The following KPNA4 variants were observed in gnomAD, a reference collection of about 807,000 sequenced individuals.
KPNA4 encodes the protein karyopherin subunit alpha 4.
In KPNA4, 13 loss-of-function variants were observed where a neutral mutation model predicts 71.3. The observed-to-expected ratio is 0.18, with a 90% CI of 0.12 to 0.29. KPNA4 has a LOEUF of 0.29. KPNA4 is among the 10% of genes least tolerant of loss of function. KPNA4 has a pLI of 1.00. For synonymous variants in KPNA4, 189 were observed against 195.2 expected (o/e 0.97, Z 0.26); for missense variants, 334 against 603.2 (o/e 0.55, Z 4.67).
chr3:160,535,792 A>G lies in KPNA4; in HGVS notation c.204+16T>C. ...CGTACTTTTAAGTTACCAGAATAAC[A>G]ATAACAATGACTTACCACTCTATAA... On this transcript the variant is annotated intron_variant, in intron 3 of 16. Coordinates refer to ENST00000334256, the MANE Select transcript of KPNA4 (RefSeq NM_002268.5). 1.3e-6 allele frequency: 2 copies of G among 1,558,290 alleles called. No homozygotes were observed. The highest frequency in any genetic ancestry group is 2.3e-5 in the East Asian group (1 of 43,786).
At chr3:160,547,204 T>C (rs909225259) in intron 1 of KPNA4, among the ~76,000 whole-genome samples, 5 of 152,230 alleles carry the variant, frequency 3.3e-5, no homozygotes. Context: ...TGCCTTTTTT[T>C]GAAGAAATAA....
intron 11 of KPNA4, among the ~76,000 whole-genome samples, chr3:160,520,551 A>G (rs1002814950): frequency 6.6e-6 from 1 of 151,740 alleles, no homozygotes; most frequent in African/African-American, 2.4e-5. Context: ...GTGAGCCACC[A>G]TGTCCAGCCA....
rs926929241 is a variant in KPNA4 at position 160,503,459 on chromosome 3, C to T, written c.1468-1257G>A. The stretch of plus-strand genomic sequence containing the variant: ...CTAAAATTCAAAAAAATCCAAAATC[C>T]AAAACTGTTCTGGTCCCATGCATTT... On this transcript the variant is annotated intron_variant, in intron 16 of 16. Coordinates refer to ENST00000334256, the MANE Select transcript of KPNA4 (RefSeq NM_002268.5). Among the ~76,000 whole-genome samples, 14 of 151,986 alleles carry T rather than the reference C, an allele frequency of 9.2e-5. 1 individual carries two copies. The highest frequency in any genetic ancestry group is 1.8e-4 in the Non-Finnish European group (12 of 67,986).
intron 13 of KPNA4, 134 bp from the exon 14 acceptor site, chr3:160,510,005 T>G: frequency 1.5e-6 from 1 of 649,000 alleles, no homozygotes; most frequent in Non-Finnish European, 2.7e-6. Flanking sequence ...TCATTTTTTC[T>G]TATTAAGACA....
chr3:160,528,103 AT>A (rs993352756), intron 7 of KPNA4, 64 bp from the exon 8 acceptor site: 8 of 1,286,834 alleles, frequency 6.2e-6, no homozygotes, highest in African/African-American at 4.5e-5. Context: ...ATCAATCTTT[AT>A]TTTTTTGCTG....
At chr3:160,503,637 C>A (rs1392057838) in intron 16 of KPNA4, among the ~76,000 whole-genome samples, 1 of 152,112 alleles carries the variant, frequency 6.6e-6, no homozygotes, top group African/African-American at 2.4e-5. Flanking sequence ...CTATGTATAT[C>A]ATCTGAATTA....
intron 15 of KPNA4, among the ~76,000 whole-genome samples, chr3:160,507,722 C>T (rs1369418905): frequency 6.6e-6 from 1 of 152,216 alleles, no homozygotes; most frequent in African/African-American, 2.4e-5. Context: ...CTCTCAAAAT[C>T]CAGCTCAGGT....
In KPNA4 at chr3:160,502,026, A is replaced by T; in HGVS notation, c.*78T>A. 1 of 335,630 alleles carries T rather than the reference A, an allele frequency of 3.0e-6. No individual in the cohort carries two copies. Among genetic ancestry groups the T allele is most frequent in the Non-Finnish European group, 5.3e-6 (1 of 187,908 alleles). The allele number at this position is 335,630 out of a possible 1,614,324, so 20.8% of individuals were successfully genotyped here. A position where few individuals can be genotyped will look rare whatever the true frequency, so the allele number is the denominator to read the frequency against. ...ATCAAACCTTTTTATATATATGTATATATATATATATATACACACACACAT... is the reference window on the plus strand; with the variant it reads ...ATCAAACCTTTTTATATATATGTATTTATATATATATATACACACACACAT... On this transcript the variant is annotated 3_prime_UTR_variant, in exon 17 of 17. Transcript: ENST00000334256.
At chr3:160,514,045 G>C in intron 13 of KPNA4, 32 bp downstream of exon 13, 1 of 1,294,802 alleles carries the variant, frequency 7.7e-7, no homozygotes. Flanking sequence ...CCTTACATCA[G>C]ATAAATGATA....
chr3:160,565,061 C>G (rs1223351424), intron 1 of KPNA4, among the ~76,000 whole-genome samples, 153 bp downstream of exon 1: 6 of 151,822 alleles, frequency 4.0e-5, no homozygotes, highest in Admixed American at 1.3e-4. Context: ...CTTCCCGGCG[C>G]GCTAGCAGAG....
At position 160,501,258 on chromosome 3, in the gene KPNA4, C is replaced by T. The variant is rs1388380683; in HGVS notation, c.*846G>A. 4.9e-5 allele frequency: 6 copies of T among 122,296 alleles called. No homozygotes were observed. The highest frequency in any genetic ancestry group is 1.9e-4 in the African/African-American group (6 of 31,874). 7.6% of individuals were successfully genotyped at this position (122,296 alleles called of 1,614,324 possible). A position where few individuals can be genotyped will look rare whatever the true frequency, so the allele number is the denominator to read the frequency against. On this transcript the variant is annotated 3_prime_UTR_variant, in exon 17 of 17. Transcript: ENST00000334256. ...TGAGAAGCAACTAAAAAAAGGCATA[C>T]TAGGTAAAGTAAATAAAAACTAAAA...
chr3:160,501,693 G>T lies in KPNA4; in HGVS notation c.*411C>A, dbSNP rs1310952079. The stretch of plus-strand genomic sequence containing the variant: ...GGCTCATTTTCCTTTGACTTATATG[G>T]GCAGCCTATTCTCTTTTATGCTTAC... On this transcript the variant is annotated 3_prime_UTR_variant, in exon 17 of 17. Transcript: ENST00000334256. 6.6e-6 allele frequency: 1 copy of T among 152,532 alleles called. No homozygotes were observed. The highest frequency in any genetic ancestry group is 1.5e-5 in the Non-Finnish European group (1 of 68,060). The allele number at this position is 152,532 out of a possible 1,614,324, so 9.4% of individuals were successfully genotyped here.
At chr3:160,538,285 A>G (rs1049045914) in intron 1 of KPNA4, among the ~76,000 whole-genome samples, 1 of 152,060 alleles carries the variant, frequency 6.6e-6, no homozygotes, top group Non-Finnish European at 1.5e-5. Flanking sequence ...TTATTATCAC[A>G]TTAAATGGGA....
intron 13 of KPNA4, among the ~76,000 whole-genome samples, chr3:160,510,183 T>C (rs1045040190): frequency 2.0e-5 from 3 of 152,118 alleles, no homozygotes; most frequent in Non-Finnish European, 2.9e-5. Flanking sequence ...ATCTACAATT[T>C]CACTACAAAG....
chr3:160,513,249 GTTTTTTTTTTT>G (rs946090860), intron 13 of KPNA4, among the ~76,000 whole-genome samples: 36 of 80,628 alleles, frequency 4.5e-4, no homozygotes, highest in Admixed American at 7.0e-4. Context: ...CTACTTTGTG[GTTTTTTTTTTT>G]TTTTTTTTTT....
intron 14 of KPNA4, among the ~76,000 whole-genome samples, chr3:160,508,940 G>A (rs1721040570): frequency 6.6e-6 from 1 of 152,032 alleles, no homozygotes; most frequent in Non-Finnish European, 1.5e-5. Context: ...AATGATTTCA[G>A]TATTTCATTA....
At chr3:160,539,000 C>T (rs144929828) in intron 1 of KPNA4, among the ~76,000 whole-genome samples, 3,103 of 152,240 alleles carry the variant, frequency 0.02, 103 homozygotes, top group African/African-American at 0.071. Context: ...ATGTAAAGTA[C>T]TTAAACTGTC....
chr3:160,504,921 T>C, intron 16 of KPNA4, 37 bp downstream of exon 16: 1 of 951,646 alleles, frequency 1.1e-6, no homozygotes, highest in Non-Finnish European at 1.5e-6. Context: ...TCTATGTTTA[T>C]ATATAAAATT....
At chr3:160,546,902 T>G (rs990321424) in intron 1 of KPNA4, among the ~76,000 whole-genome samples, 2 of 152,136 alleles carry the variant, frequency 1.3e-5, no homozygotes, top group African/African-American at 4.8e-5. Context: ...AACATTAAAT[T>G]TTCTCAAAAT....
Sources: gnomAD v4.1 joint callset for allele counts (sites outside exome capture counted in the v4.1 genomes callset) on GRCh38, gnomAD v4.1.1 for gene constraint, MANE v1.5 for transcripts, NCBI Gene and HGNC (gene_info 2026-07-23, HGNC 2026-07-21) for gene names.